The following ZNF160 variants were observed in gnomAD, a reference collection of about 807,000 sequenced individuals.
The protein encoded by ZNF160 is zinc finger protein 160, also known as KRAB zinc finger protein KR18.
A neutral mutation model predicts 13.1 loss-of-function variants in ZNF160; 9 were observed. That is an observed-to-expected ratio of 0.69 (90% CI 0.41 to 1.20). The LOEUF (loss-of-function observed/expected upper bound fraction) is 1.20. Among genes scored for constraint, ZNF160 ranks in the 50% most tolerant of loss-of-function variants. ZNF160 has a pLI of 0.01. For synonymous variants in ZNF160, 293 were observed against 333.2 expected (o/e 0.88, Z 1.31); for missense variants, 838 against 988.0 (o/e 0.85, Z 2.04).
chr19:53,084,418 C>T lies in ZNF160; in HGVS notation c.15+1844G>A, dbSNP rs1011001762. ...AAAAAGTCACTGTCTTTCTACCAGA[C>T]CTTGCTCTTGTTAACTGGACTCTGC... On this transcript the variant is annotated intron_variant, in intron 3 of 5. Transcript: ENST00000683776. Among the ~76,000 whole-genome samples the T allele has an allele frequency of 3.3e-5, 5 of 152,306 alleles. No individual in the cohort carries two copies. In the East Asian group the frequency reaches 9.7e-4, roughly 29 times the overall value.
In ZNF160 at chr19:53,072,997, G is replaced by A. The variant is rs573958873; in HGVS notation, c.271+1143C>T. 618 of 588,772 alleles carry A rather than the reference G, an allele frequency of 1.0e-3. 1 individual carries two copies. Among genetic ancestry groups the A allele is most frequent in the Middle Eastern group, 1.7e-3 (2 of 1,202 alleles). The allele number at this position is 588,772 out of a possible 1,614,324, so 36.5% of individuals were successfully genotyped here. A position where few individuals can be genotyped will look rare whatever the true frequency, so the allele number is the denominator to read the frequency against. On this transcript the variant is annotated intron_variant, in intron 5 of 5. Transcript: ENST00000683776. ...AAATTATAGTTATATATATTTACAG[G>A]AAACAAACTGATATTCTGTTATAGG...
chr19:53,093,348 A>T (rs1383074502), intron 1 of ZNF160, among the ~76,000 whole-genome samples: 1 of 152,206 alleles, frequency 6.6e-6, no homozygotes, highest in African/African-American at 2.4e-5. Flanking sequence ...CTGAGGCAGG[A>T]GAATCACTTG....
intron 5 of ZNF160, chr19:53,073,022 G>T: frequency 1.8e-6 from 1 of 562,034 alleles, no homozygotes; most frequent in Non-Finnish European, 2.3e-6. Context: ...TCTGTTATAG[G>T]TATACAATAT....
At chr19:53,081,489 T>C (rs530991704) in intron 3 of ZNF160, among the ~76,000 whole-genome samples, 11 of 152,254 alleles carry the variant, frequency 7.2e-5, no homozygotes, top group African/African-American at 2.6e-4. Context: ...AGTCGTACTA[T>C]TGGCCAACAA....
chr19:53,086,127 G>A (rs1213729329), intron 3 of ZNF160, 135 bp downstream of exon 3: 1 of 1,337,372 alleles, frequency 7.5e-7, no homozygotes, highest in African/African-American at 1.4e-5. Context: ...AGATGAGAGG[G>A]ACTGAGGGAA....
rs141644486 is a variant in ZNF160, at chr19:53,090,040, C to T, written c.-46+1373G>A. ...CTTTCTTCCCTCATCTTTGCTCCCC[C>T]TCTGCTCCCCCTATTAAATCCCCTC... On this transcript the variant is annotated intron_variant, in intron 2 of 5. Transcript: ENST00000683776. Among the ~76,000 whole-genome samples, 620 of 152,064 alleles carry T rather than the reference C, an allele frequency of 4.1e-3. 4 individuals are homozygous for T. The highest frequency in any genetic ancestry group is 0.014 in the African/African-American group (588 of 41,456).
At position 53,071,278 on chromosome 19, in the gene ZNF160, C is replaced by T. The variant is rs545798084; in HGVS notation, c.272-1016G>A. ...CTCAAGAGGCTGAGGGTGCTGGGTG[C>T]GGTGGCTCACACCTGTAATCCCAAC... On this transcript the variant is annotated intron_variant, in intron 5 of 5. Transcript: ENST00000683776. Among the ~76,000 whole-genome samples the T allele has an allele frequency of 8.6e-5, 13 of 150,360 alleles. No homozygotes were observed. In the East Asian group the frequency reaches 2.2e-3, roughly 25 times the overall value.
intron 3 of ZNF160, among the ~76,000 whole-genome samples, chr19:53,079,144 A>G (rs1391468720): frequency 6.6e-6 from 1 of 152,222 alleles, no homozygotes; most frequent in African/African-American, 2.4e-5. Flanking sequence ...GGTTCAACAG[A>G]AGAAAGTCAA....
rs1302832347 is a variant in ZNF160 at position 53,086,333 on chromosome 19, TAA to T, written c.-45-14_-45-13del. On this transcript the variant is annotated splice_polypyrimidine_tract_variant and intron_variant, in intron 2 of 5. Coordinates refer to ENST00000683776, the MANE Select transcript of ZNF160 (RefSeq NM_001322131.2). Reference sequence around the variant, plus strand: ...TTCCAGACTTCTTCCTTGGGTAACATAAAAGAGTCTTTAGAAGTCAATACTGA... The same window carrying T: ...TTCCAGACTTCTTCCTTGGGTAACATAAGAGTCTTTAGAAGTCAATACTGA... 1.9e-6 allele frequency: 3 copies of T among 1,554,036 alleles called. No homozygotes were observed. Among genetic ancestry groups the T allele is most frequent in the Non-Finnish European group, 2.6e-6 (3 of 1,155,202 alleles).
intron 3 of ZNF160, chr19:53,075,529 C>T (rs1327715137): frequency 1.7e-5 from 6 of 351,178 alleles, no homozygotes; most frequent in Middle Eastern, 2.0e-3. Context: ...TCTGTCCTCT[C>T]GGGAGGACAG....
chr19:53,097,990 TCTGCCTGATTCCA>T (rs1403052833), intron 1 of ZNF160, among the ~76,000 whole-genome samples: 1 of 152,232 alleles, frequency 6.6e-6, no homozygotes, highest in Non-Finnish European at 1.5e-5. Flanking sequence ...GATGTTTTTC[TCTGCCTGATTCCA>T]CTGCCTTCAG....
Position 53,074,166 on chromosome 19 carries a change from G to T in ZNF160, c.245C>A (p.Pro82Gln), listed in dbSNP as rs8105668. 1.6e-5 allele frequency: 26 copies of T among 1,613,832 alleles called. No individual in the cohort carries two copies. The highest frequency in any genetic ancestry group is 1.4e-4 in the South Asian group (13 of 91,070). Residue 82 changes from proline (P) to glutamine (Q), a missense_variant, in exon 5 of 6, where the codon CCG becomes CAG. Pro to Gln is a moderately conservative substitution (Grantham distance 76). This residue lies in a region of ZNF160 where 387 missense variants were observed against 402.3 expected (regional missense o/e 0.96). Coordinates refer to ENST00000683776, the MANE Select transcript of ZNF160 (RefSeq NM_001322131.2). The stretch of plus-strand genomic sequence containing the variant: ...TGTGACCACGCCTTTGACACATTCC[G>T]GCGTTCTTGGTTTTCTTGCTATTTT... ...CVKIARKPRT[P>Q]ECVKGVVTDI...
At chr19:53,073,172 T>C in intron 5 of ZNF160, 1 of 1,408,912 alleles carries the variant, frequency 7.1e-7, no homozygotes, top group South Asian at 1.6e-5. Context: ...TACTCTTTGC[T>C]GCTATTAGTT....
chr19:53,103,127 C>T (rs2085509789), intron 1 of ZNF160, 138 bp downstream of exon 1: 1 of 152,002 alleles, frequency 6.6e-6, no homozygotes, highest in African/African-American at 2.4e-5. Context: ...CAGGAAAATC[C>T]TGCTTAAACG....
rs768096429 is a variant in ZNF160, at chr19:53,074,215, G to T, written c.196C>A (p.Pro66Thr). The T allele has an allele frequency of 1.2e-6, 2 of 1,613,790 alleles. No individual in the cohort carries two copies. Among genetic ancestry groups the T allele is most frequent in the South Asian group, 2.2e-5 (2 of 91,068 alleles). Residue 66 changes from proline to threonine, a missense_variant, in exon 5 of 6, where the codon CCC becomes ACC. By Grantham distance (38) the Pro-to-Thr change is conservative. Transcript: ENST00000683776. ...TTCACACAGCTCTTCACAGTCCAGG[G>T]CTCTTTCCCTTCCTCCAACATGGAG... ...IISMLEEGKEPWTVKSCVKIA... is the reference protein window; with the variant it reads ...IISMLEEGKETWTVKSCVKIA...
At chr19:53,098,206 C>T (rs919585008) in intron 1 of ZNF160, among the ~76,000 whole-genome samples, 4 of 152,200 alleles carry the variant, frequency 2.6e-5, no homozygotes, top group African/African-American at 9.6e-5. Context: ...GTGTGCCACA[C>T]ATCCCGTGAG....
At chr19:53,078,271 G>A (rs1448927443) in intron 3 of ZNF160, among the ~76,000 whole-genome samples, 4 of 151,852 alleles carry the variant, frequency 2.6e-5, no homozygotes, top group Non-Finnish European at 5.9e-5. Context: ...TTAGCTGGGT[G>A]TAGTGGCATG....
rs558314830 is a variant in ZNF160 at position 53,102,083 on chromosome 19, T to C, written c.-354+1182A>G. Among the ~76,000 whole-genome samples the C allele has an allele frequency of 7.4e-4, 112 of 152,276 alleles. 2 individuals are homozygous for C. The highest frequency in any genetic ancestry group is 1.3e-4 in the Non-Finnish European group (9 of 68,022). On this transcript the variant is annotated intron_variant, in intron 1 of 5. Coordinates refer to ENST00000683776, the MANE Select transcript of ZNF160 (RefSeq NM_001322131.2). ...CTTCCCCCTAGGATTCTGACGATGT[T>C]GTGCCTCTTTTTTCTTCTGCTGTTT... is the stretch of plus-strand genomic sequence containing the variant.
At chr19:53,095,133 G>C (rs10410437) in intron 1 of ZNF160, among the ~76,000 whole-genome samples, 51,700 of 86,940 alleles carry the variant, frequency 0.59, 15,137 homozygotes, top group Admixed American at 0.66. Context: ...TGCCCAGACC[G>C]CACCCCAGGG....
Sources: gnomAD v4.1 joint callset for allele counts (sites outside exome capture counted in the v4.1 genomes callset) on GRCh38, gnomAD v4.1.1 for gene constraint, gnomAD v4.1.1 regional missense constraint, MANE v1.5 for transcripts, NCBI Gene and HGNC (gene_info 2026-07-23, HGNC 2026-07-21) for gene names.